C12orf42: variants seen among roughly 807,000 people sequenced by gnomAD.
C12orf42 encodes uncharacterized protein C12orf42.
Under a neutral mutation model 21.6 loss-of-function variants are expected in C12orf42, and 25 were observed. The observed-to-expected ratio is 1.16, with a 90% CI of 0.84 to 1.62. C12orf42 has a LOEUF of 1.62. C12orf42 is among the 40% of genes most tolerant of loss of function. C12orf42 has a pLI of 0.00. For missense variants in C12orf42, 483 were observed against 459.3 expected, an observed-to-expected ratio of 1.05 and a Z score of -0.47; for synonymous variants, 174 against 175.0, an observed-to-expected ratio of 0.99 and a Z score of 0.05.
the C12orf42 span, among the ~76,000 whole-genome samples, chr12:103,525,270 T>A: frequency 1.3e-5 from 2 of 152,174 alleles, no homozygotes; most frequent in Non-Finnish European, 2.9e-5. Context: ...ACTCAAGTGA[T>A]CCTCTTGCCT....
the C12orf42 span, among the ~76,000 whole-genome samples, chr12:103,520,591 G>A: frequency 6.6e-6 from 1 of 152,042 alleles, no homozygotes; most frequent in African/African-American, 2.4e-5. Flanking sequence ...GATTGAGGAA[G>A]GAGTATAACC....
chr12:103,511,991 C>T, the C12orf42 span, among the ~76,000 whole-genome samples: 2 of 152,130 alleles, frequency 1.3e-5, no homozygotes, highest in African/African-American at 2.4e-5. Context: ...TCCACTCTCC[C>T]TAGAAGGCAG....
the C12orf42 span, among the ~76,000 whole-genome samples, chr12:103,555,384 G>A: frequency 6.6e-5 from 10 of 152,090 alleles, no homozygotes; most frequent in Admixed American, 2.6e-4. Flanking sequence ...TCACTATCAC[G>A]AGAACAGCAT....
the C12orf42 span, among the ~76,000 whole-genome samples, chr12:103,101,382 G>T: frequency 9.2e-5 from 14 of 152,268 alleles, no homozygotes; most frequent in Non-Finnish European, 1.3e-4. Flanking sequence ...ATTCTCATAG[G>T]CACTTCTCCT....
chr12:103,342,657 AC>A (rs1196060087), intron 4 of C12orf42, among the ~76,000 whole-genome samples: 2 of 98,204 alleles, frequency 2.0e-5, no homozygotes, highest in Non-Finnish European at 4.1e-5. Context: ...TCATTTCCCC[AC>A]CCCCCGCCCC....
chr12:103,465,861 G>A (rs908202699), intron 2 of C12orf42, among the ~76,000 whole-genome samples: 1 of 152,142 alleles, frequency 6.6e-6, no homozygotes, highest in Non-Finnish European at 1.5e-5. Context: ...TAATCATGTG[G>A]TTTTTGTCTT....
the C12orf42 span, among the ~76,000 whole-genome samples, chr12:103,146,556 AAAGAAAAGAAAG>A: frequency 9.3e-6 from 1 of 107,082 alleles, no homozygotes; most frequent in Middle Eastern, 3.7e-3. Context: ...AGAAATAAAG[AAAGAAAAGAAAG>A]AAAGAAAGAA....
chr12:103,387,183 G>T (rs1303783274), intron 3 of C12orf42, among the ~76,000 whole-genome samples: 1 of 152,176 alleles, frequency 6.6e-6, no homozygotes, highest in East Asian at 1.9e-4. Context: ...ACCTGCTCTA[G>T]TCCAGCCCCT....
the C12orf42 span, among the ~76,000 whole-genome samples, chr12:103,528,240 A>G: frequency 6.6e-6 from 1 of 152,254 alleles, no homozygotes; most frequent in African/African-American, 2.4e-5. Flanking sequence ...GAAGATGAAG[A>G]CATAGATATA....
At position 103,477,636 on chromosome 12, in the gene C12orf42, T is replaced by C. The variant is rs530297540; in HGVS notation, c.78+713A>G. Among the ~76,000 whole-genome samples the C allele has an allele frequency of 2.0e-5, 3 of 152,178 alleles. No homozygotes were observed. The South Asian group carries it at 6.2e-4, about 32-fold the overall frequency. ...TGGAATGATGTGATGTGAGGAAGAC[T>C]GAACCCTCTGTAACTTGCTTTGAAG... On this transcript the variant is annotated intron_variant, in intron 2 of 5. Transcript: ENST00000548883.
At chr12:103,343,260 TTTGA>T in intron 4 of C12orf42, among the ~76,000 whole-genome samples, 1 of 152,182 alleles carries the variant, frequency 6.6e-6, no homozygotes, top group Admixed American at 6.5e-5. Flanking sequence ...ATCAATTCCT[TTTGA>T]TTAACTACTT....
intron 1 of C12orf42, among the ~76,000 whole-genome samples, chr12:103,479,007 G>A (rs1055384863): frequency 1.4e-4 from 21 of 151,968 alleles, no homozygotes; most frequent in East Asian, 9.7e-4. Context: ...TTGAGTTTTC[G>A]TCTTATTGCA....
At chr12:103,354,398 G>T (rs760172883) in intron 4 of C12orf42, among the ~76,000 whole-genome samples, 1 of 152,046 alleles carries the variant, frequency 6.6e-6, no homozygotes, top group African/African-American at 2.4e-5. Flanking sequence ...CCAAGTCATG[G>T]TCCCTATGCT....
intron 2 of C12orf42, among the ~76,000 whole-genome samples, chr12:103,404,977 C>T (rs966294003): frequency 2.0e-5 from 3 of 152,184 alleles, no homozygotes; most frequent in Non-Finnish European, 2.9e-5. Flanking sequence ...AAACTGAATC[C>T]GCCATCAGGT....
intron 4 of C12orf42, among the ~76,000 whole-genome samples, chr12:103,282,215 A>G (rs2036183970): frequency 6.6e-6 from 1 of 152,200 alleles, no homozygotes; most frequent in Non-Finnish European, 1.5e-5. Context: ...AAAATCCTCA[A>G]ATAAGAATAA....
chr12:103,422,949 T>C (rs1297546118), intron 2 of C12orf42, among the ~76,000 whole-genome samples: 1 of 152,244 alleles, frequency 6.6e-6, no homozygotes, highest in Non-Finnish European at 1.5e-5. Flanking sequence ...CATTTTATCA[T>C]GGTTACTGTT....
chr12:103,526,415 A>G, the C12orf42 span, among the ~76,000 whole-genome samples: 1 of 152,222 alleles, frequency 6.6e-6, no homozygotes, highest in African/African-American at 2.4e-5. Context: ...GAGTGAAAAG[A>G]ACAAAATGTA....
chr12:103,388,569 C>T (rs1310059523), intron 3 of C12orf42, among the ~76,000 whole-genome samples: 2 of 152,270 alleles, frequency 1.3e-5, no homozygotes, highest in East Asian at 3.9e-4. Context: ...ATGATGGGTA[C>T]ACAAGTTTGT....
At chr12:103,195,077 GTTAGGATAATGACC>G in the C12orf42 span, among the ~76,000 whole-genome samples, 1 of 152,010 alleles carries the variant, frequency 6.6e-6, no homozygotes, top group African/African-American at 2.4e-5. Context: ...TGTTAATTTG[GTTAGGATAATGACC>G]TCCAATTCCA....
Sources: allele counts gnomAD v4.1 joint callset (sites outside exome capture counted in the v4.1 genomes callset), GRCh38; gene constraint gnomAD v4.1.1; transcripts MANE v1.5; gene names NCBI Gene and HGNC (gene_info 2026-07-23, HGNC 2026-07-21).